HUNK: variants seen among roughly 807,000 people sequenced by gnomAD.
HUNK encodes hormonally up-regulated Neu-associated kinase, also known as hormonally up-regulated neu tumor-associated kinase.
HUNK carries 21 observed loss-of-function variants against 61.0 expected under a neutral mutation model. That is an observed-to-expected ratio of 0.34 (90% CI 0.24 to 0.50). The LOEUF (loss-of-function observed/expected upper bound fraction) is 0.50, where lower values mean the gene tolerates loss of function less well. HUNK is among the 20% of genes least tolerant of loss of function. The pLI, the probability that HUNK is intolerant of heterozygous loss-of-function variation, is 0.98. For synonymous variants in HUNK, 371 were observed against 386.1 expected (o/e 0.96, Z 0.46); for missense variants, 772 against 945.7 (o/e 0.82, Z 2.41).
At chr21:31,947,497 C>T (rs2052817218) in intron 4 of HUNK, among the ~76,000 whole-genome samples, 2 of 152,244 alleles carry the variant, frequency 1.3e-5, no homozygotes, top group Admixed American at 1.3e-4. Flanking sequence ...GTTCTCGGCA[C>T]CTCTCAATGC....
At chr21:31,905,614 C>A (rs1473946186) in intron 1 of HUNK, among the ~76,000 whole-genome samples, 3 of 152,210 alleles carry the variant, frequency 2.0e-5, no homozygotes, top group Non-Finnish European at 4.4e-5. Flanking sequence ...CCATTATCTG[C>A]TGTCAGTGGA....
At chr21:31,935,996 C>T (rs1018310402) in intron 2 of HUNK, among the ~76,000 whole-genome samples, 4 of 152,062 alleles carry the variant, frequency 2.6e-5, no homozygotes, top group African/African-American at 9.7e-5. Context: ...GGGGTTTCAC[C>T]ATTTTGGCCT....
chr21:31,877,240 G>A (rs2052270273), intron 1 of HUNK, among the ~76,000 whole-genome samples: 1 of 152,294 alleles, frequency 6.6e-6, no homozygotes, highest in African/African-American at 2.4e-5. Context: ...GTGTGTGTGT[G>A]TGTGTAGCGT....
chr21:31,977,790 C>T (rs551156997), intron 7 of HUNK, among the ~76,000 whole-genome samples: 2 of 152,338 alleles, frequency 1.3e-5, no homozygotes, highest in African/African-American at 4.8e-5. Context: ...TTCCTGGGCT[C>T]AAGCCATCCT....
intron 7 of HUNK, among the ~76,000 whole-genome samples, chr21:31,978,744 A>G (rs1012135868): frequency 6.6e-6 from 1 of 152,186 alleles, no homozygotes; most frequent in African/African-American, 2.4e-5. Context: ...GATGGACACA[A>G]TAGCCATTTC....
At chr21:31,898,476 A>G (rs2052441133) in intron 1 of HUNK, among the ~76,000 whole-genome samples, 1 of 152,180 alleles carries the variant, frequency 6.6e-6, no homozygotes, top group Non-Finnish European at 1.5e-5. Flanking sequence ...CATGTTGGCC[A>G]GGCTGGTCTC....
chr21:31,894,034 G>A (rs996297819), intron 1 of HUNK, among the ~76,000 whole-genome samples: 4 of 152,146 alleles, frequency 2.6e-5, no homozygotes, highest in African/African-American at 9.7e-5. Flanking sequence ...CCGAGGCTGC[G>A]TTATTCTTGT....
At chr21:31,970,174 A>C (rs940810038) in intron 6 of HUNK, among the ~76,000 whole-genome samples, 1 of 152,188 alleles carries the variant, frequency 6.6e-6, no homozygotes, top group Non-Finnish European at 1.5e-5. Flanking sequence ...ACACCCACCA[A>C]GCCTTATGAA....
chr21:31,947,283 C>T (rs2052813329), intron 4 of HUNK, among the ~76,000 whole-genome samples: 1 of 140,992 alleles, frequency 7.1e-6, no homozygotes, highest in African/African-American at 2.8e-5. Context: ...TCCCACATCC[C>T]GGGCTCAAGC....
intron 8 of HUNK, among the ~76,000 whole-genome samples, chr21:31,987,418 C>T (rs2053141613): frequency 6.6e-6 from 1 of 152,088 alleles, no homozygotes. Flanking sequence ...ATGTGTGTAC[C>T]CTAGGTGGCC....
At chr21:31,911,183 G>A (rs961467688) in intron 1 of HUNK, among the ~76,000 whole-genome samples, 1 of 152,196 alleles carries the variant, frequency 6.6e-6, no homozygotes, top group African/African-American at 2.4e-5. Flanking sequence ...GTGTGCGGGG[G>A]CTGTTCTGGA....
rs77431017 is a variant in HUNK at position 31,996,881 on chromosome 21, C to T, written c.1486+933C>T. Among the ~76,000 whole-genome samples, 572 of 152,340 alleles carry T rather than the reference C, an allele frequency of 3.8e-3. 5 individuals are homozygous for T. Among genetic ancestry groups the T allele is most frequent in the Middle Eastern group, 6.8e-3 (2 of 294 alleles). ...TACCCACTTTGCCCAAAGCAACCTG[C>T]TTTCCCTGGGGCAGAGCATGCAGTG... On this transcript the variant is annotated intron_variant, in intron 10 of 10. Coordinates refer to ENST00000270112, the MANE Select transcript of HUNK (RefSeq NM_014586.2).
intron 3 of HUNK, among the ~76,000 whole-genome samples, chr21:31,942,125 G>A (rs535021935): frequency 3.9e-5 from 6 of 152,342 alleles, no homozygotes; most frequent in South Asian, 2.1e-4. Flanking sequence ...CAGGAGAATC[G>A]CTTGAACCTG....
At chr21:31,987,485 G>A (rs1000882036) in intron 8 of HUNK, among the ~76,000 whole-genome samples, 12 of 152,214 alleles carry the variant, frequency 7.9e-5, no homozygotes, top group African/African-American at 2.4e-5. Flanking sequence ...GCCCCACTGC[G>A]AGTGTGTGTC....
At chr21:31,986,375 A>T (rs1301258566) in intron 8 of HUNK, among the ~76,000 whole-genome samples, 2 of 151,772 alleles carry the variant, frequency 1.3e-5, no homozygotes, top group African/African-American at 4.8e-5. Context: ...CTCTGTCTCC[A>T]TCCCCACACC....
chr21:31,877,930 G>A lies in HUNK; in HGVS notation c.261+3995G>A, dbSNP rs568938298. On this transcript the variant is annotated intron_variant, in intron 1 of 10. Coordinates refer to ENST00000270112, the MANE Select transcript of HUNK (RefSeq NM_014586.2). ...GATCAGATAATATCATCTGTCGACA[G>A]AATAAGGAAAGTGACTTACAGAAAA... Among the ~76,000 whole-genome samples the A allele has an allele frequency of 1.2e-4, 18 of 152,268 alleles. 1 individual carries two copies. The highest frequency in any genetic ancestry group is 3.4e-4 in the African/African-American group (14 of 41,550).
chr21:31,960,304 CAT>C lies in HUNK; in HGVS notation c.874+1335_874+1336del, dbSNP rs202171828. Among the ~76,000 whole-genome samples, 1,158 of 151,446 alleles carry C rather than the reference CAT, an allele frequency of 7.6e-3. 14 individuals are homozygous for C. Among genetic ancestry groups the C allele is most frequent in the African/African-American group, 0.027 (1,111 of 41,260 alleles). ...TAAAAATAAATAAATGGGTAATAAA[CAT>C]GTGTGGTATTTGGTAATGTTAAGTG... On this transcript the variant is annotated intron_variant, in intron 5 of 10. Coordinates refer to ENST00000270112, the MANE Select transcript of HUNK (RefSeq NM_014586.2).
chr21:31,948,503 C>T (rs751325875), intron 4 of HUNK, among the ~76,000 whole-genome samples: 3 of 152,162 alleles, frequency 2.0e-5, no homozygotes, highest in Non-Finnish European at 4.4e-5. Flanking sequence ...TCTCAGTCCA[C>T]CTGCTGGAAC....
chr21:31,978,727 A>T (rs1053158471), intron 7 of HUNK, among the ~76,000 whole-genome samples: 1 of 152,124 alleles, frequency 6.6e-6, no homozygotes, highest in African/African-American at 2.4e-5. Flanking sequence ...TTATTCATTC[A>T]TCCGTTGATG....
Sources: gnomAD v4.1 joint callset for allele counts (sites outside exome capture counted in the v4.1 genomes callset) on GRCh38, gnomAD v4.1.1 for gene constraint, MANE v1.5 for transcripts, NCBI Gene and HGNC (gene_info 2026-07-23, HGNC 2026-07-21) for gene names.